APTX: variants seen among roughly 807,000 people sequenced by gnomAD.
The protein encoded by APTX is forkhead-associated domain histidine triad-like protein.
A neutral mutation model predicts 42.3 loss-of-function variants in APTX; 33 were observed. The ratio of observed to expected loss-of-function variants is 0.78; its 90% CI spans 0.59 to 1.04. The LOEUF (loss-of-function observed/expected upper bound fraction) is 1.04, where lower values mean the gene tolerates loss of function less well. Ranked by LOEUF, APTX falls within the 50% of genes least tolerant of loss-of-function variation. The pLI is 0.00. For missense variants in APTX, 421 were observed against 415.1 expected, an observed-to-expected ratio of 1.01 and a Z score of -0.12; for synonymous variants, 130 against 146.7, an observed-to-expected ratio of 0.89 and a Z score of 0.82.
intron 1 of APTX, among the ~76,000 whole-genome samples, chr9:33,014,989 A>G (rs1281513942): frequency 2.0e-5 from 3 of 152,224 alleles, no homozygotes; most frequent in Non-Finnish European, 4.4e-5. Context: ...GGGACCAATG[A>G]GGTTGTCAGT....
chr9:33,020,949 A>AG (rs753327336), intron 1 of APTX, among the ~76,000 whole-genome samples: 22 of 151,906 alleles, frequency 1.4e-4, no homozygotes, highest in Non-Finnish European at 2.8e-4. Context: ...GCCAACATGG[A>AG]GAAACCCTGT....
chr9:32,994,055 C>T (rs1292541644), intron 1 of APTX, among the ~76,000 whole-genome samples: 2 of 152,028 alleles, frequency 1.3e-5, no homozygotes, highest in Non-Finnish European at 1.5e-5. Flanking sequence ...TGAGGGGATC[C>T]GTCAGAAAGA....
chr9:32,989,998 A>G, intron 1 of APTX, 103 bp from the exon 2 acceptor site: 1 of 1,452,088 alleles, frequency 6.9e-7, no homozygotes, highest in Non-Finnish European at 9.4e-7. Flanking sequence ...CCAGCTGTTC[A>G]TCTTGAGGCA....
In APTX at chr9:32,984,615, T is replaced by A. The variant is rs775257602; in HGVS notation, c.770+16A>T. The A allele has an allele frequency of 1.2e-6, 2 of 1,612,004 alleles. No homozygotes were observed. Among genetic ancestry groups the A allele is most frequent in the Non-Finnish European group, 1.7e-6 (2 of 1,178,014 alleles). The stretch of plus-strand genomic sequence containing the variant: ...GGACAGAACCAGGAGCCAGCAGCAC[T>A]ACCCACCTGGCTTACCTCATACTCG... On this transcript the variant is annotated intron_variant, in intron 6 of 7. Transcript: ENST00000379817.
upstream of APTX, among the ~76,000 whole-genome samples, chr9:33,004,335 G>A (rs1836969049): frequency 6.6e-6 from 1 of 152,070 alleles, no homozygotes; most frequent in African/African-American, 2.4e-5. Flanking sequence ...ACTATTACTC[G>A]GGTGATAGGT....
intron 6 of APTX, among the ~76,000 whole-genome samples, chr9:32,978,849 A>G (rs1768763889): frequency 6.6e-6 from 1 of 152,088 alleles, no homozygotes. Flanking sequence ...TCCATGACCC[A>G]CTTTCTTACA....
chr9:33,019,959 G>A (rs1054732304), intron 1 of APTX: 4 of 440,814 alleles, frequency 9.1e-6, no homozygotes, highest in African/African-American at 2.0e-5. Flanking sequence ...ATGTGCGGCC[G>A]CATTCCTGGC....
chr9:32,989,403 C>A (rs1833002726), intron 2 of APTX, among the ~76,000 whole-genome samples: 2 of 152,156 alleles, frequency 1.3e-5, no homozygotes, highest in Admixed American at 1.3e-4. Context: ...GACGGCACTA[C>A]CCCATTACTT....
In APTX at chr9:32,987,612, C is replaced by G; in HGVS notation, c.415G>C (p.Glu139Gln). Residue 139 changes from glutamate (E) to glutamine (Q), a missense_variant, in exon 4 of 8, where the codon GAA becomes CAA. Glu to Gln is a conservative substitution (Grantham distance 29). Transcript: ENST00000379817. ...CATTGGCCAGAGTTGCTCCCAGGTT[C>G]CAGCCCTGTCCCAGCCTCAGCTTCC... ...AQEAEAGTGL[E>Q]PGSNSGQCSV... 2 of 1,614,218 alleles carry G rather than the reference C, an allele frequency of 1.2e-6. No individual in the cohort carries two copies. The highest frequency in any genetic ancestry group is 1.7e-6 in the Non-Finnish European group (2 of 1,180,038).
At chr9:33,025,025 G>A (rs995392805) in exon 1 of APTX, 10 of 152,442 alleles carry the variant, frequency 6.6e-5, no homozygotes, top group African/African-American at 1.9e-4. Context: ...TGCCCCACCA[G>A]CCGGAGACTT....
upstream of APTX, among the ~76,000 whole-genome samples, chr9:33,004,302 T>A (rs908124675): frequency 3.9e-5 from 6 of 152,150 alleles, no homozygotes; most frequent in South Asian, 4.1e-4. Context: ...TGAGAGATTT[T>A]AAAAAACTAC....
chr9:33,020,567 G>A (rs1270265640), intron 1 of APTX, among the ~76,000 whole-genome samples: 2 of 152,186 alleles, frequency 1.3e-5, no homozygotes, highest in Non-Finnish European at 2.9e-5. Context: ...TTACTGTGAG[G>A]ATAACAATAT....
chr9:33,007,742 GCTA>G (rs1483765256), intron 1 of APTX, among the ~76,000 whole-genome samples: 1 of 151,818 alleles, frequency 6.6e-6, no homozygotes, highest in Non-Finnish European at 1.5e-5. Context: ...GGGGATTTAT[GCTA>G]CTAAGTGTAA....
chr9:33,005,811 A>C (rs1480894028), upstream of APTX, among the ~76,000 whole-genome samples: 1 of 152,166 alleles, frequency 6.6e-6, no homozygotes, highest in African/African-American at 2.4e-5. Context: ...GATTTTAACA[A>C]TATCATTTGT....
chr9:32,982,671 C>T (rs1351570971), intron 6 of APTX, among the ~76,000 whole-genome samples: 3 of 151,988 alleles, frequency 2.0e-5, no homozygotes, highest in African/African-American at 7.3e-5. Context: ...ATATACCTAC[C>T]ACAGCTCTTG....
At chr9:32,991,830 G>A (rs1833725198) in intron 1 of APTX, among the ~76,000 whole-genome samples, 1 of 151,146 alleles carries the variant, frequency 6.6e-6, no homozygotes, top group African/African-American at 2.4e-5. Context: ...TTTGGAAGAT[G>A]CCCATTAACA....
chr9:32,975,104 A>G (rs896308711), intron 6 of APTX, among the ~76,000 whole-genome samples: 3 of 152,098 alleles, frequency 2.0e-5, no homozygotes, highest in Non-Finnish European at 2.9e-5. Flanking sequence ...GGGCCCTGAG[A>G]TGAGGAAAAG....
intron 1 of APTX, among the ~76,000 whole-genome samples, chr9:32,997,763 A>C (rs1835302174): frequency 6.6e-6 from 1 of 152,266 alleles, no homozygotes; most frequent in African/African-American, 2.4e-5. Context: ...CTGGCTGAGA[A>C]GCTCAAACTT....
At chr9:33,013,830 C>A (rs1837713488) in intron 1 of APTX, among the ~76,000 whole-genome samples, 2 of 152,124 alleles carry the variant, frequency 1.3e-5, no homozygotes, top group Admixed American at 1.3e-4. Context: ...CAAGACCAAG[C>A]TCCTGCTCTA....
Sources: allele counts gnomAD v4.1 joint callset (sites outside exome capture counted in the v4.1 genomes callset), GRCh38; gene constraint gnomAD v4.1.1; transcripts MANE v1.5; gene names NCBI Gene and HGNC (gene_info 2026-07-23, HGNC 2026-07-21).